The following MYH10 variants were observed in gnomAD, a reference collection of about 807,000 sequenced individuals.
MYH10 encodes the protein myosin heavy chain 10, also known as myosin-10.
A neutral mutation model predicts 257.8 loss-of-function variants in MYH10; 55 were observed. The ratio of observed to expected loss-of-function variants is 0.21; its 90% CI spans 0.17 to 0.27. The LOEUF (loss-of-function observed/expected upper bound fraction) is 0.27. MYH10 is among the 10% of genes least tolerant of loss of function. MYH10 has a pLI of 1.00. For missense variants in MYH10, 1,631 were observed against 2,500.6 expected (o/e 0.65, Z 7.42); for synonymous variants, 854 against 921.7 (o/e 0.93, Z 1.33).
chr17:8,554,407 A>T (rs2151968442), intron 7 of MYH10: 1 of 152,350 alleles, frequency 6.6e-6, no homozygotes, highest in Admixed American at 6.5e-5. Context: ...GATTTCCTAG[A>T]AAAATAGAAA....
intron 4 of MYH10, among the ~76,000 whole-genome samples, chr17:8,581,981 C>T (rs8066160): frequency 0.97 from 148,155 of 152,316 alleles, 72,201 homozygotes; most frequent in East Asian, 1. Flanking sequence ...TGAGACTTCA[C>T]AGGACTGAGA....
chr17:8,571,510 C>A (rs894978460), intron 6 of MYH10, among the ~76,000 whole-genome samples: 1 of 152,082 alleles, frequency 6.6e-6, no homozygotes, highest in African/African-American at 2.4e-5. Flanking sequence ...GGGCCAGGCG[C>A]GGTGGCTTAT....
At chr17:8,583,493 T>C (rs566127967) in intron 4 of MYH10, among the ~76,000 whole-genome samples, 8 of 152,176 alleles carry the variant, frequency 5.3e-5, no homozygotes, top group African/African-American at 1.7e-4. Context: ...CCCCCCTAAA[T>C]AGTTATTCTC....
Position 8,499,338 on chromosome 17 carries a change from G to A in MYH10, c.3883C>T (p.Leu1295Phe). Reference sequence around the variant, plus strand: ...TCGCCTTCAGAGACCTTGGCATGGAGCTCCTGGACCTGCGCGTCGAGCTTC... The same window carrying A: ...TCGCCTTCAGAGACCTTGGCATGGAACTCCTGGACCTGCGCGTCGAGCTTC... Reference protein sequence around the residue: ...RKKLDAQVQELHAKVSEGDRL... With the variant: ...RKKLDAQVQEFHAKVSEGDRL... The change falls in exon 30 of 43, where the codon CTC becomes TTC. Residue 1295 changes from leucine to phenylalanine, a missense_variant. Physicochemically the swap from Leu to Phe is conservative, Grantham distance 22. Transcript: ENST00000360416. 1 of 1,614,158 alleles carries A rather than the reference G, an allele frequency of 6.2e-7. No individual in the cohort carries two copies. The highest frequency in any genetic ancestry group is 2.2e-5 in the East Asian group (1 of 44,874).
intron 1 of MYH10, among the ~76,000 whole-genome samples, chr17:8,630,176 C>T (rs377408877): frequency 6.6e-6 from 1 of 151,774 alleles, no homozygotes; most frequent in African/African-American, 2.4e-5. Flanking sequence ...TTAGAATCCC[C>T]TCTCTTCCTG....
At chr17:8,505,604 CTG>C (rs1181153265) in intron 27 of MYH10, among the ~76,000 whole-genome samples, 1 of 152,172 alleles carries the variant, frequency 6.6e-6, no homozygotes, top group Non-Finnish European at 1.5e-5. Context: ...GCATTCTAAA[CTG>C]AATGGTTTAG....
Position 8,535,575 on chromosome 17 carries a change from C to A in MYH10, c.1780-74G>T, listed in dbSNP as rs941689402. Reference sequence around the variant, plus strand: ...AATGCAAAAACAAAAACACTTTAAGCCTCAACCAGAAACTTTTATACAACA... The same window carrying A: ...AATGCAAAAACAAAAACACTTTAAGACTCAACCAGAAACTTTTATACAACA... On this transcript the variant is annotated intron_variant, in intron 15 of 42. Transcript: ENST00000360416. The surrounding 1 kb of genome is among the most constrained non-coding windows in gnomAD (Gnocchi z 4.3). 2.9e-6 allele frequency: 4 copies of A among 1,394,620 alleles called. No homozygotes were observed. In the African/African-American group the frequency reaches 5.8e-5, roughly 20 times the overall value. 86.4% of individuals were successfully genotyped at this position (1,394,620 alleles called of 1,614,324 possible). A position where few individuals can be genotyped will look rare whatever the true frequency, so the allele number is the denominator to read the frequency against.
In MYH10 at chr17:8,542,227, C is replaced by T; in HGVS notation, c.1485G>A (p.Gln495=). 1 of 1,614,180 alleles carries T rather than the reference C, an allele frequency of 6.2e-7. No homozygotes were observed. The highest frequency in any genetic ancestry group is 2.2e-5 in the East Asian group (1 of 44,888). The part of the protein sequence containing the change: ...CINYTNEKLQ[Q]LFNHTMFILE... Reference sequence around the variant, plus strand: ...GGATAAACATGGTGTGGTTGAACAGCTGCTGCAGCTTCTCATTGGTGTAGT... The same window carrying T: ...GGATAAACATGGTGTGGTTGAACAGTTGCTGCAGCTTCTCATTGGTGTAGT... The change falls in exon 14 of 43, where the codon CAG becomes CAA. Residue 495 remains glutamine (Q), a synonymous_variant. Coordinates refer to ENST00000360416, the MANE Select transcript of MYH10 (RefSeq NM_001256012.3).
At chr17:8,563,088 A>C (rs537511599) in intron 7 of MYH10, among the ~76,000 whole-genome samples, 1 of 152,358 alleles carries the variant, frequency 6.6e-6, no homozygotes, top group East Asian at 1.9e-4. Context: ...CATGATCTGC[A>C]GTATGCATTA....
In MYH10 at chr17:8,492,795, T is replaced by G. The variant is rs763982557; in HGVS notation, c.4439A>C (p.Lys1480Thr). ...QRQVASNLEK[K>T]QKKFDQLLAE... is the part of the protein sequence containing the mutation. The stretch of plus-strand genomic sequence containing the variant: ...ACCCACCTGGTCAAACTTCTTCTGC[T>G]TCTTCTCCAAGTTGGAGGCGACCTG... Residue 1480 changes from lysine to threonine, a missense_variant, in exon 33 of 43, where the codon AAG (lysine) becomes ACG (threonine). Lys to Thr is a moderately conservative substitution (Grantham distance 78). Transcript: ENST00000360416. The G allele has an allele frequency of 3.1e-6, 5 of 1,613,900 alleles. 1 individual carries two copies. The South Asian group carries it at 3.3e-5, about 11-fold the overall frequency.
At chr17:8,613,037 GAAATCC>G in intron 2 of MYH10, among the ~76,000 whole-genome samples, 1 of 152,272 alleles carries the variant, frequency 6.6e-6, no homozygotes, top group South Asian at 2.1e-4. Flanking sequence ...TAAAAGTGTT[GAAATCC>G]AAAGACAGAG....
At chr17:8,513,924 T>C in intron 21 of MYH10, 30 bp from the exon 22 acceptor site, 1 of 1,587,332 alleles carries the variant, frequency 6.3e-7, no homozygotes, top group Admixed American at 1.8e-5. Flanking sequence ...ACTTATGATG[T>C]AAAGAAAAAA....
intron 17 of MYH10, among the ~76,000 whole-genome samples, chr17:8,524,910 G>C (rs1825617972): frequency 6.6e-6 from 1 of 152,198 alleles, no homozygotes; most frequent in Admixed American, 6.5e-5. Context: ...CATGAGCTGG[G>C]TGATTCTGGG....
intron 4 of MYH10, among the ~76,000 whole-genome samples, chr17:8,586,350 A>G (rs1463757537): frequency 6.6e-6 from 1 of 152,200 alleles, no homozygotes; most frequent in East Asian, 1.9e-4. Context: ...CCTGAACCCA[A>G]GTTGCAAGAG....
chr17:8,539,770 G>T (rs2082243730), intron 14 of MYH10, among the ~76,000 whole-genome samples: 2 of 151,792 alleles, frequency 1.3e-5, no homozygotes, highest in African/African-American at 4.8e-5. Context: ...AAACTTTCTT[G>T]TAGAGATGTA....
rs111256512 is a variant in MYH10 at position 8,593,707 on chromosome 17, G to T, written c.503-4599C>A. ...AGAAGTCAAAGAAGACCTATAGAGA[G>T]ACAAACTGTTGATGGATTGGAAGAC... On this transcript the variant is annotated intron_variant, in intron 3 of 42. Coordinates refer to ENST00000360416, the MANE Select transcript of MYH10 (RefSeq NM_001256012.3). 5.6e-3 allele frequency among the ~76,000 whole-genome samples: 850 copies of T among 152,228 alleles called. 10 individuals are homozygous for T. Among genetic ancestry groups the T allele is most frequent in the African/African-American group, 0.019 (797 of 41,536 alleles).
intron 2 of MYH10, among the ~76,000 whole-genome samples, chr17:8,609,230 A>G (rs1485025877): frequency 6.6e-6 from 1 of 152,210 alleles, no homozygotes; most frequent in East Asian, 1.9e-4. Context: ...GCTGGTGCAA[A>G]TGTCAACGCA....
At chr17:8,489,089 A>T (rs541673442) in intron 35 of MYH10, among the ~76,000 whole-genome samples, 2 of 151,960 alleles carry the variant, frequency 1.3e-5, no homozygotes, top group South Asian at 2.1e-4. Context: ...TGGATCTCTC[A>T]CTCTCCTGAA....
At chr17:8,538,995 G>GT (rs1475969930) in intron 14 of MYH10, among the ~76,000 whole-genome samples, 6 of 152,132 alleles carry the variant, frequency 3.9e-5, no homozygotes, top group African/African-American at 1.4e-4. Context: ...TGTTGAGGAG[G>GT]TGGGTTAGTT....
Sources: gnomAD v4.1 joint callset for allele counts (sites outside exome capture counted in the v4.1 genomes callset) on GRCh38, gnomAD v4.1.1 for gene constraint, Gnocchi (gnomAD v3.1) non-coding constraint, MANE v1.5 for transcripts, NCBI Gene and HGNC (gene_info 2026-07-23, HGNC 2026-07-21) for gene names.